Variants in EOGT observed in about 807,000 individuals in gnomAD.
The protein encoded by EOGT is EGF domain-specific O-linked N-acetylglucosamine transferase.
In EOGT, 55 loss-of-function variants were observed where a neutral mutation model predicts 70.5. That is an observed-to-expected ratio of 0.78 (90% confidence interval 0.63 to 0.98). EOGT has a LOEUF of 0.98. Ranked by LOEUF, EOGT falls within the 50% of genes least tolerant of loss-of-function variation. The probability of loss-of-function intolerance (pLI) is 0.00; values close to 1 mark genes in which losing one functional copy is unlikely to be tolerated. For synonymous variants in EOGT, 246 were observed against 217.1 expected, an observed-to-expected ratio of 1.13 and a Z score of -1.17; for missense variants, 703 against 641.9, an observed-to-expected ratio of 1.10 and a Z score of -1.03.
chr3:69,009,269 C>T (rs567908467), intron 4 of EOGT, among the ~76,000 whole-genome samples: 1 of 152,318 alleles, frequency 6.6e-6, no homozygotes, highest in East Asian at 1.9e-4. Flanking sequence ...GGTGTTATTA[C>T]TGAAATTAAG....
intron 10 of EOGT, among the ~76,000 whole-genome samples, chr3:68,994,019 A>G (rs1559600230): frequency 6.6e-6 from 1 of 152,204 alleles, no homozygotes; most frequent in Non-Finnish European, 1.5e-5. Flanking sequence ...GACACAGCCA[A>G]ACCATATCAA....
intron 10 of EOGT, among the ~76,000 whole-genome samples, chr3:68,995,264 C>A (rs971866822): frequency 3.4e-4 from 52 of 152,184 alleles, no homozygotes; most frequent in Admixed American, 6.5e-4. Context: ...GCCACACAAA[C>A]CCTTACTTAG....
chr3:68,985,865 G>T (rs372533795), intron 14 of EOGT, among the ~76,000 whole-genome samples: 2 of 152,220 alleles, frequency 1.3e-5, no homozygotes, highest in East Asian at 3.9e-4. Flanking sequence ...ATGGGAGCCT[G>T]ACGTGGGTCT....
intron 7 of EOGT, among the ~76,000 whole-genome samples, chr3:69,004,901 A>C (rs2091398359): frequency 6.6e-6 from 1 of 152,098 alleles, no homozygotes; most frequent in African/African-American, 2.4e-5. Flanking sequence ...CCATCTCTTC[A>C]AAAATTAAAA....
chr3:69,003,293 C>T (rs7651811), intron 8 of EOGT, among the ~76,000 whole-genome samples: 2 of 152,180 alleles, frequency 1.3e-5, no homozygotes, highest in Non-Finnish European at 1.5e-5. Context: ...AATTAGACAA[C>T]GTACAAGTTC....
chr3:68,998,217 T>C, intron 9 of EOGT, 103 bp from the exon 10 acceptor site: 1 of 676,742 alleles, frequency 1.5e-6, no homozygotes, highest in South Asian at 1.8e-5. Context: ...AATTTTAGTT[T>C]AAATAAATGG....
At chr3:68,988,856 G>A (rs2090894866) in intron 11 of EOGT, 69 bp downstream of exon 11, 1 of 822,162 alleles carries the variant, frequency 1.2e-6, no homozygotes, top group South Asian at 1.8e-5. Context: ...CATAATAAAT[G>A]TTTATTTTAT....
chr3:68,977,697 A>C lies in EOGT; in HGVS notation c.1505T>G (p.Met502Arg), dbSNP rs768506105. 1.2e-6 allele frequency: 2 copies of C among 1,614,026 alleles called. No individual in the cohort carries two copies. The highest frequency in any genetic ancestry group is 1.7e-6 in the Non-Finnish European group (2 of 1,179,964). Reference sequence around the variant, plus strand: ...GTCTGCAGCCTGAAGGACAAGATACATAAATTCTTCTACATCGAAAGAGTA... The same window carrying C: ...GTCTGCAGCCTGAAGGACAAGATACCTAAATTCTTCTACATCGAAAGAGTA... Reference protein sequence around the residue: ...TNYSFDVEEFMYLVLQAADHV... With the variant: ...TNYSFDVEEFRYLVLQAADHV... Residue 502 changes from methionine (M) to arginine (R), a missense_variant, in exon 18 of 18, where the codon ATG becomes AGG. Coordinates refer to ENST00000383701, the MANE Select transcript of EOGT (RefSeq NM_001278689.2).
At position 68,977,334 on chromosome 3, in the gene EOGT, AAAAG is replaced by A. The variant is rs1163973768; in HGVS notation, c.*280_*283del. ...GTGAGACTCTGTCTCCAAAAAAAAA[AAAAG>A]AAAGAAAGAAAGTTAAAGTATACTG... On this transcript the variant is annotated 3_prime_UTR_variant, in exon 18 of 18. Transcript: ENST00000383701. 3.5e-5 allele frequency: 9 copies of A among 259,014 alleles called. No homozygotes were observed. The highest frequency in any genetic ancestry group is 2.2e-4 in the East Asian group (2 of 8,906). The allele number at this position is 259,014 out of a possible 1,614,324, so 16.0% of individuals were successfully genotyped here.
intron 9 of EOGT, among the ~76,000 whole-genome samples, chr3:68,999,925 TG>T (rs2107322572): frequency 6.6e-6 from 1 of 152,212 alleles, no homozygotes; most frequent in East Asian, 1.9e-4. Context: ...CAAGTTAACA[TG>T]AAAAGGAAAA....
Position 68,975,284 on chromosome 3 carries a change from C to T in EOGT, c.*2334G>A, listed in dbSNP as rs1210537850. 1 of 152,538 alleles carries T rather than the reference C, an allele frequency of 6.6e-6. No individual in the cohort carries two copies. The highest frequency in any genetic ancestry group is 1.5e-5 in the Non-Finnish European group (1 of 68,022). The allele number at this position is 152,538 out of a possible 1,614,324, so 9.4% of individuals were successfully genotyped here. ...CATACCCAAAACATACAATGAAATA[C>T]ATCCCTGTTAAAGACTTAATAAAAA... On this transcript the variant is annotated 3_prime_UTR_variant, in exon 18 of 18. Coordinates refer to ENST00000383701, the MANE Select transcript of EOGT (RefSeq NM_001278689.2).
In EOGT at chr3:68,988,765, G is replaced by A. The variant is rs552530558; in HGVS notation, c.924+160C>T. 6 of 637,058 alleles carry A rather than the reference G, an allele frequency of 9.4e-6. No homozygotes were observed. In the East Asian group the frequency reaches 1.1e-4, roughly 12 times the overall value. The allele number at this position is 637,058 out of a possible 1,614,324, so 39.5% of individuals were successfully genotyped here. A position where few individuals can be genotyped will look rare whatever the true frequency, so the allele number is the denominator to read the frequency against. On this transcript the variant is annotated intron_variant, in intron 11 of 17. Coordinates refer to ENST00000383701, the MANE Select transcript of EOGT (RefSeq NM_001278689.2). ...TTATAGAAAAAACTTTTCAAAGGCT[G>A]CATGATTAACAACACTGAGGATTCT...
intron 10 of EOGT, among the ~76,000 whole-genome samples, chr3:68,995,905 G>A (rs2091134993): frequency 6.6e-6 from 1 of 152,140 alleles, no homozygotes; most frequent in African/African-American, 2.4e-5. Flanking sequence ...TTGTCTGTAA[G>A]ATAAGCTAAT....
At chr3:68,987,551 T>C in intron 13 of EOGT, 38 bp from the exon 14 acceptor site, 2 of 1,497,566 alleles carry the variant, frequency 1.3e-6, no homozygotes, top group Non-Finnish European at 1.9e-6. Context: ...ACACTGCATA[T>C]GCCTGGGTAG....
chr3:69,001,299 C>A (rs2091287623), intron 9 of EOGT, among the ~76,000 whole-genome samples: 1 of 151,988 alleles, frequency 6.6e-6, no homozygotes, highest in South Asian at 2.1e-4. Flanking sequence ...ACAATCTAAA[C>A]CAAGTGATTA....
intron 7 of EOGT, 95 bp downstream of exon 7, chr3:69,005,045 G>C (rs187202426): frequency 1.6e-5 from 11 of 706,244 alleles, no homozygotes; most frequent in Non-Finnish European, 2.1e-5. Flanking sequence ...CTGGGCAACA[G>C]AGCAAGACCC....
intron 10 of EOGT, 99 bp downstream of exon 10, chr3:68,997,912 A>T: frequency 1.4e-6 from 1 of 718,384 alleles, no homozygotes; most frequent in Non-Finnish European, 2.4e-6. Context: ...GTACATGTTG[A>T]AATATATGTG....
At chr3:68,978,465 G>A (rs768144477) in intron 16 of EOGT, 30 bp from the exon 17 acceptor site, 2 of 1,479,298 alleles carry the variant, frequency 1.4e-6, no homozygotes, top group Non-Finnish European at 1.8e-6. Flanking sequence ...ACAACATGAG[G>A]CTTTTGTCCA....
At chr3:69,013,331 C>T (rs1057483639) in intron 1 of EOGT, among the ~76,000 whole-genome samples, 1 of 151,712 alleles carries the variant, frequency 6.6e-6, no homozygotes, top group Non-Finnish European at 1.5e-5. Context: ...CCGGGGCCCG[C>T]CTGCGCTCCG....
Sources: allele counts gnomAD v4.1 joint callset (sites outside exome capture counted in the v4.1 genomes callset), GRCh38; gene constraint gnomAD v4.1.1; transcripts MANE v1.5; gene names NCBI Gene and HGNC (gene_info 2026-07-23, HGNC 2026-07-21).